Variants in PCID2 observed in about 807,000 individuals in gnomAD.
PCID2 encodes the protein PCI domain containing 2, also known as PCI domain-containing protein 2.
A neutral mutation model predicts 61.3 loss-of-function variants in PCID2; 41 were observed. The ratio of observed to expected loss-of-function variants is 0.67; its 90% CI spans 0.52 to 0.87. PCID2 has a LOEUF of 0.87. PCID2 is among the 40% of genes least tolerant of loss of function. The pLI is 0.00. For synonymous variants in PCID2, 187 were observed against 177.8 expected (o/e 1.05, Z -0.41); for missense variants, 392 against 493.4 (o/e 0.79, Z 1.95).
chr13:113,167,947 G>A, the PCID2 span, among the ~76,000 whole-genome samples: 11 of 151,686 alleles, frequency 7.3e-5, no homozygotes, highest in African/African-American at 2.7e-4. Flanking sequence ...TTCTTTGTTG[G>A]CGGTTGCTTC....
chr13:113,171,671 G>T, the PCID2 span: 1 of 1,613,916 alleles, frequency 6.2e-7, no homozygotes, highest in African/African-American at 1.3e-5. This position sits in a 1 kb window ranked among gnomAD's most constrained non-coding sequence, Gnocchi z 5.1. Flanking sequence ...TGACGCGGAC[G>T]CGGGGGAGAA....
chr13:113,178,935 G>C (rs1175492521), intron 13 of PCID2, 31 bp downstream of exon 13: 1 of 1,598,100 alleles, frequency 6.3e-7, no homozygotes, highest in Non-Finnish European at 8.5e-7. Context: ...GCTGTGAGTA[G>C]CTGCTTAAAT....
intron 7 of PCID2, among the ~76,000 whole-genome samples, chr13:113,190,236 A>T (rs868859190): frequency 1.7e-4 from 26 of 151,676 alleles, no homozygotes; most frequent in African/African-American, 6.3e-4. Context: ...AAATTAAAAA[A>T]AAAAAAAAAA....
the PCID2 span, among the ~76,000 whole-genome samples, chr13:113,167,189 G>A: frequency 6.6e-6 from 1 of 152,102 alleles, no homozygotes; most frequent in Non-Finnish European, 1.5e-5. Context: ...TAAAAGTCTG[G>A]CAGACTGATG....
At chr13:113,182,600 C>T (rs1025277925) in intron 9 of PCID2, among the ~76,000 whole-genome samples, 1 of 152,108 alleles carries the variant, frequency 6.6e-6, no homozygotes, top group Non-Finnish European at 1.5e-5. Flanking sequence ...CCCGGGTTCA[C>T]GTCATTCTCC....
downstream of PCID2, among the ~76,000 whole-genome samples, chr13:113,175,090 C>G (rs1166258489): frequency 6.6e-6 from 1 of 152,180 alleles, no homozygotes; most frequent in African/African-American, 2.4e-5. Flanking sequence ...TGCTCACTTC[C>G]CCTTCCGCCA....
At chr13:113,189,157 T>C (rs1320088475) in intron 7 of PCID2, among the ~76,000 whole-genome samples, 2 of 152,106 alleles carry the variant, frequency 1.3e-5, no homozygotes, top group East Asian at 3.9e-4. Flanking sequence ...CCTCCCCTTC[T>C]ATCTCCTGCC....
At chr13:113,208,245 A>ACAGCGGGCCCTCGGCGTGGC (rs1362297070) in intron 1 of PCID2, 29 of 1,448,614 alleles carry the variant, frequency 2.0e-5, no homozygotes, top group Middle Eastern at 5.1e-4. Flanking sequence ...AGCACCGCCC[A>ACAGCGGGCCCTCGGCGTGGC]CAGCGGGCCC....
At chr13:113,174,484 A>C (rs563175270), downstream of PCID2, among the ~76,000 whole-genome samples, 35 of 152,320 alleles carry the variant, frequency 2.3e-4, no homozygotes, top group African/African-American at 8.4e-4. Flanking sequence ...AAGGGAAGCT[A>C]GCTATGATGA....
chr13:113,175,235 C>T (rs998910180), downstream of PCID2, among the ~76,000 whole-genome samples: 3 of 152,142 alleles, frequency 2.0e-5, no homozygotes, highest in Non-Finnish European at 2.9e-5. Flanking sequence ...GCCTGAACAC[C>T]AAGAGGTAAA....
At chr13:113,170,968 G>A in the PCID2 span, among the ~76,000 whole-genome samples, 1 of 151,718 alleles carries the variant, frequency 6.6e-6, no homozygotes, top group Admixed American at 6.6e-5. Flanking sequence ...AATCCCTCAG[G>A]CTGGAGTGCA....
chr13:113,189,464 T>C (rs1342624690), intron 7 of PCID2, among the ~76,000 whole-genome samples: 2 of 152,114 alleles, frequency 1.3e-5, no homozygotes, highest in Admixed American at 1.3e-4. Flanking sequence ...CTAAAACAAC[T>C]ACTCTCTGGG....
intron 1 of PCID2, 89 bp from the exon 2 acceptor site, chr13:113,200,605 G>C (rs553860025): frequency 2.5e-6 from 2 of 815,450 alleles, no homozygotes; most frequent in East Asian, 2.6e-5. Flanking sequence ...CCACACAGGG[G>C]AAAATTCATT....
At chr13:113,183,876 C>A (rs2037865127) in intron 9 of PCID2, 13 of 985,460 alleles carry the variant, frequency 1.3e-5, no homozygotes, top group Non-Finnish European at 1.6e-5. Context: ...CGACACACTG[C>A]ACGAGGCTGT....
chr13:113,201,081 AAAAAG>A (rs774462681), intron 1 of PCID2, among the ~76,000 whole-genome samples: 15 of 152,234 alleles, frequency 9.9e-5, no homozygotes, highest in Non-Finnish European at 2.1e-4. Context: ...ACAGCTTATG[AAAAAG>A]AAATCAGTTT....
At chr13:113,168,447 A>G in the PCID2 span, among the ~76,000 whole-genome samples, 150 of 152,384 alleles carry the variant, frequency 9.8e-4, no homozygotes, top group Admixed American at 8.6e-3. Context: ...GGCTGGCAGC[A>G]GTCCTCTCCT....
At chr13:113,174,775 C>T (rs576825648), downstream of PCID2, among the ~76,000 whole-genome samples, 8 of 152,334 alleles carry the variant, frequency 5.3e-5, no homozygotes, top group East Asian at 9.6e-4. Context: ...TGAGCCACCA[C>T]GTCCAGCCTG....
At chr13:113,203,003 A>G (rs78723001) in intron 1 of PCID2, among the ~76,000 whole-genome samples, 1 of 152,234 alleles carries the variant, frequency 6.6e-6, no homozygotes, top group Non-Finnish European at 1.5e-5. Flanking sequence ...AACAAAAAAA[A>G]TCCTGAATTT....
chr13:113,204,314 C>T (rs537219205), intron 1 of PCID2, among the ~76,000 whole-genome samples: 27 of 152,350 alleles, frequency 1.8e-4, no homozygotes, highest in Admixed American at 1.7e-3. Flanking sequence ...CTATGAGTGA[C>T]TGAAAGCTGA....
Sources: allele counts gnomAD v4.1 joint callset (sites outside exome capture counted in the v4.1 genomes callset), GRCh38; gene constraint gnomAD v4.1.1; non-coding constraint Gnocchi (gnomAD v3.1); transcripts MANE v1.5; gene names NCBI Gene and HGNC (gene_info 2026-07-23, HGNC 2026-07-21).